LMLN: variants seen among roughly 807,000 people sequenced by gnomAD.
The protein encoded by LMLN is leishmanolysin-like peptidase.
LMLN carries 70 observed loss-of-function variants against 92.3 expected under a neutral mutation model. That is an observed-to-expected ratio of 0.76 (90% CI 0.63 to 0.92). The LOEUF is 0.92. LMLN is among the 40% of genes least tolerant of loss of function. The pLI is 0.00. For missense variants in LMLN, 691 were observed against 814.6 expected, an observed-to-expected ratio of 0.85 and a Z score of 1.85; for synonymous variants, 308 against 296.2, an observed-to-expected ratio of 1.04 and a Z score of -0.41.
rs569006657 is a variant in LMLN, at chr3:197,982,358, GGC to G, written c.729-1583_729-1582del. 2.7e-3 allele frequency among the ~76,000 whole-genome samples: 412 copies of G among 150,886 alleles called. 5 individuals carry two copies. Among genetic ancestry groups the G allele is most frequent in the African/African-American group, 9.0e-3 (370 of 41,014 alleles). On this transcript the variant is annotated intron_variant, in intron 6 of 15. Transcript: ENST00000330198. Reference sequence around the variant, plus strand: ...CTCCTGCCTTAGCCTCCTGAGTAGCGGCGACTACAGGTGCGCACCACCACGCC... The same window carrying G: ...CTCCTGCCTTAGCCTCCTGAGTAGCGGACTACAGGTGCGCACCACCACGCC...
chr3:197,961,198 C>T (rs955223561), intron 1 of LMLN, among the ~76,000 whole-genome samples: 4 of 152,126 alleles, frequency 2.6e-5, no homozygotes, highest in Admixed American at 2.0e-4. Context: ...ATTTTTTAGG[C>T]GTATCTTGCC....
At chr3:198,000,608 A>G (rs147649437) in intron 11 of LMLN, among the ~76,000 whole-genome samples, 9,970 of 151,964 alleles carry the variant, frequency 0.066, 405 homozygotes, top group African/African-American at 0.1. Flanking sequence ...TTGTATTTTT[A>G]GTGTAGATGG....
At chr3:197,992,218 A>G (rs1721895329) in intron 9 of LMLN, among the ~76,000 whole-genome samples, 1 of 152,134 alleles carries the variant, frequency 6.6e-6, no homozygotes, top group African/African-American at 2.4e-5. Context: ...AACCTTGACT[A>G]ATACAGACAC....
chr3:197,978,357 C>T (rs992171379), intron 5 of LMLN, among the ~76,000 whole-genome samples: 7 of 152,180 alleles, frequency 4.6e-5, no homozygotes, highest in East Asian at 1.9e-4. Flanking sequence ...AAATTTAGGC[C>T]GGGCACAGTA....
At chr3:197,996,475 A>G (rs1344179950) in intron 10 of LMLN, 193 bp downstream of exon 10, 1 of 392,330 alleles carries the variant, frequency 2.5e-6, no homozygotes, top group Non-Finnish European at 4.5e-6. Flanking sequence ...TTATATATGT[A>G]TGTGTGTGCA....
intron 1 of LMLN, among the ~76,000 whole-genome samples, chr3:197,971,826 A>G (rs1412958733): frequency 4.6e-5 from 7 of 151,102 alleles, no homozygotes; most frequent in Admixed American, 4.6e-4. Flanking sequence ...CAAATTTGAA[A>G]TTTTTTAGCT....
intron 14 of LMLN, among the ~76,000 whole-genome samples, chr3:198,030,083 A>ATC (rs892983436): frequency 6.6e-4 from 100 of 152,124 alleles, no homozygotes; most frequent in African/African-American, 2.3e-3. Flanking sequence ...ACCTCAAGTG[A>ATC]TCTGCCTGCC....
At chr3:198,011,689 G>A (rs1288698998) in intron 11 of LMLN, among the ~76,000 whole-genome samples, 2 of 151,258 alleles carry the variant, frequency 1.3e-5, no homozygotes, top group Non-Finnish European at 2.9e-5. Flanking sequence ...GATCCCTGAG[G>A]AATCGCCACA....
At chr3:198,024,069 A>G (rs1350101598) in intron 13 of LMLN, among the ~76,000 whole-genome samples, 2 of 152,150 alleles carry the variant, frequency 1.3e-5, no homozygotes, top group Non-Finnish European at 2.9e-5. Flanking sequence ...TAGTGATCTA[A>G]CGATTCTTAG....
At chr3:198,009,486 T>C (rs571626204) in intron 11 of LMLN, among the ~76,000 whole-genome samples, 1 of 152,358 alleles carries the variant, frequency 6.6e-6, no homozygotes, top group East Asian at 1.9e-4. Context: ...CTTTATAAAA[T>C]GAACTAGGAA....
intron 12 of LMLN, among the ~76,000 whole-genome samples, chr3:198,020,768 A>ATTTTTTTTTTTTTTTTTTTTTT (rs71166715): frequency 3.0e-5 from 1 of 32,860 alleles, no homozygotes; most frequent in Non-Finnish European, 5.4e-5. Flanking sequence ...TAATTTTTGT[A>ATTTTTTTTTTTTTTTTTTTTTT]TTTTTTTTTT....
chr3:197,976,553 A>T (rs1405078130), intron 4 of LMLN, 45 bp from the exon 5 acceptor site: 5 of 1,102,780 alleles, frequency 4.5e-6, no homozygotes, highest in Non-Finnish European at 6.6e-6. Context: ...GCTATAAAAT[A>T]TTCTCTTTTT....
chr3:197,963,846 G>A (rs1720974466), intron 1 of LMLN, among the ~76,000 whole-genome samples: 1 of 152,184 alleles, frequency 6.6e-6, no homozygotes, highest in Admixed American at 6.5e-5. Context: ...ACGCCTCCTT[G>A]CCATTTGTTC....
At chr3:198,001,805 T>A (rs76818039) in intron 11 of LMLN, among the ~76,000 whole-genome samples, 9,838 of 152,184 alleles carry the variant, frequency 0.065, 379 homozygotes, top group African/African-American at 0.1. Context: ...CTTTCAAGCC[T>A]ATTTTTTTCA....
chr3:197,971,048 ATTTC>A (rs1721209892), intron 1 of LMLN, among the ~76,000 whole-genome samples: 1 of 152,054 alleles, frequency 6.6e-6, no homozygotes. Context: ...TCTGTGTTGA[ATTTC>A]TTTATTTTAG....
rs1722754230 is a variant in LMLN, at chr3:198,020,758, T to C, written c.1366-688T>C. Among the ~76,000 whole-genome samples, 3 of 140,306 alleles carry C rather than the reference T, an allele frequency of 2.1e-5. No homozygotes were observed. In the South Asian group the frequency reaches 6.8e-4, roughly 32 times the overall value. 92.0% of individuals were successfully genotyped at this position (140,306 alleles called of 152,430 possible). ...ACAGGTGTGCGCCACCACACCCAGC[T>C]AATTTTTGTATTTTTTTTTTTTTTT... On this transcript the variant is annotated intron_variant, in intron 12 of 15. Transcript: ENST00000330198.
At chr3:197,967,211 C>T (rs1218690451) in intron 1 of LMLN, among the ~76,000 whole-genome samples, 2 of 151,902 alleles carry the variant, frequency 1.3e-5, no homozygotes, top group African/African-American at 4.8e-5. Flanking sequence ...TTTTCTTTTC[C>T]TCTCTAATAA....
chr3:197,960,312 T>G lies in LMLN; in HGVS notation c.91T>G (p.Trp31Gly). Reference sequence around the variant, plus strand: ...AGGCCCGGGCCGGAGCCGGTGGCGCTGGAGCGGGTCTGTGTGGGTCCGAAG... The same window carrying G: ...AGGCCCGGGCCGGAGCCGGTGGCGCGGGAGCGGGTCTGTGTGGGTCCGAAG... Residue 31 changes from tryptophan (W) to glycine (G), a missense_variant, in exon 1 of 16, where the codon TGG becomes GGG. Physicochemically the swap from Trp to Gly is radical, Grantham distance 184. Transcript: ENST00000330198. The G allele has an allele frequency of 1.9e-6, 3 of 1,613,796 alleles. No individual in the cohort carries two copies. The South Asian group carries it at 3.3e-5, about 18-fold the overall frequency.
chr3:197,999,939 A>C (rs1284847358), intron 11 of LMLN, among the ~76,000 whole-genome samples: 1 of 152,280 alleles, frequency 6.6e-6, no homozygotes, highest in Non-Finnish European at 1.5e-5. Context: ...AACAATTTTT[A>C]AATTATAAAG....
Sources: allele counts gnomAD v4.1 joint callset (sites outside exome capture counted in the v4.1 genomes callset), GRCh38; gene constraint gnomAD v4.1.1; transcripts MANE v1.5; gene names NCBI Gene and HGNC (gene_info 2026-07-23, HGNC 2026-07-21).